Variants in PDE8B observed in about 807,000 individuals in gnomAD.
PDE8B encodes the protein high affinity cAMP-specific and IBMX-insensitive 3',5'-cyclic phosphodiesterase 8B.
A neutral mutation model predicts 101.3 loss-of-function variants in PDE8B; 26 were observed. The ratio of observed to expected loss-of-function variants is 0.26; its 90% CI spans 0.19 to 0.36. The LOEUF is 0.36. Among genes scored for constraint, PDE8B ranks in the 10% least tolerant of loss-of-function variants. The pLI is 1.00. For missense variants in PDE8B, 810 were observed against 1,163.1 expected (o/e 0.70, Z 4.42); for synonymous variants, 424 against 429.3 (o/e 0.99, Z 0.15).
At chr5:77,322,016 C>G (rs1451178111) in intron 2 of PDE8B, among the ~76,000 whole-genome samples, 2 of 152,164 alleles carry the variant, frequency 1.3e-5, no homozygotes, top group Admixed American at 6.5e-5. Flanking sequence ...GGGAGGAGAT[C>G]CCGGGCAAGA....
At chr5:77,180,050 A>T in the PDE8B span, among the ~76,000 whole-genome samples, 3 of 152,146 alleles carry the variant, frequency 2.0e-5, no homozygotes, top group Non-Finnish European at 1.5e-5. Context: ...CAAAGGCCCA[A>T]CGAGAGGAAA....
At chr5:77,295,450 C>T (rs1768307649) in intron 1 of PDE8B, among the ~76,000 whole-genome samples, 1 of 152,154 alleles carries the variant, frequency 6.6e-6, no homozygotes, top group South Asian at 2.1e-4. Flanking sequence ...CCAAAGACAG[C>T]TGTAAAAAGT....
intron 1 of PDE8B, among the ~76,000 whole-genome samples, chr5:77,220,185 G>C (rs546946629): frequency 6.6e-6 from 1 of 152,258 alleles, no homozygotes; most frequent in Admixed American, 6.5e-5. Context: ...GTCACATGTG[G>C]AGCCCAGGGT....
intron 1 of PDE8B, among the ~76,000 whole-genome samples, chr5:77,294,188 A>G (rs777901870): frequency 1.3e-5 from 2 of 152,216 alleles, no homozygotes; most frequent in African/African-American, 4.8e-5. Context: ...AGCATCTTTC[A>G]TAAAACTAAG....
At chr5:77,195,556 TG>T in the PDE8B span, among the ~76,000 whole-genome samples, 1 of 152,094 alleles carries the variant, frequency 6.6e-6, no homozygotes, top group African/African-American at 2.4e-5. Context: ...TTGAACACTG[TG>T]GGGGTAAGGG....
At chr5:77,407,011 G>A (rs1329964497) in intron 12 of PDE8B, among the ~76,000 whole-genome samples, 1 of 152,170 alleles carries the variant, frequency 6.6e-6, no homozygotes, top group African/African-American at 2.4e-5. Context: ...AGCAGCTTAG[G>A]ACTGAAAGTC....
intron 10 of PDE8B, among the ~76,000 whole-genome samples, chr5:77,378,781 A>C (rs1042293678): frequency 6.6e-6 from 1 of 152,202 alleles, no homozygotes; most frequent in Admixed American, 6.5e-5. Context: ...GGCCCCACCC[A>C]GACCTACTGA....
At chr5:77,175,834 T>G in the PDE8B span, among the ~76,000 whole-genome samples, 1 of 152,334 alleles carries the variant, frequency 6.6e-6, no homozygotes, top group East Asian at 1.9e-4. Context: ...TATATATGCA[T>G]GTATATAAAT....
chr5:77,407,270 G>A lies in PDE8B; in HGVS notation c.1289-111G>A, dbSNP rs1793657327. On this transcript the variant is annotated intron_variant, in intron 12 of 21. Coordinates refer to ENST00000264917, the MANE Select transcript of PDE8B (RefSeq NM_003719.5). ...TGGGTGAATTCATGGCTTTTTAGGT[G>A]GGAGGGTGGCCCTGTGAGAAGCGGG... is the stretch of plus-strand genomic sequence containing the variant. 3 of 812,216 alleles carry A rather than the reference G, an allele frequency of 3.7e-6. No individual in the cohort carries two copies. The Admixed American group carries it at 5.3e-5, about 14-fold the overall frequency. The allele number at this position is 812,216 out of a possible 1,614,324, so 50.3% of individuals were successfully genotyped here. A position where few individuals can be genotyped will look rare whatever the true frequency, so the allele number is the denominator to read the frequency against.
At chr5:77,255,480 G>T in intron 1 of PDE8B, among the ~76,000 whole-genome samples, 1 of 152,172 alleles carries the variant, frequency 6.6e-6, no homozygotes, top group East Asian at 1.9e-4. Flanking sequence ...TGTAAGTGAA[G>T]TCTGATGGGA....
At chr5:77,389,463 C>A (rs889470980) in intron 10 of PDE8B, among the ~76,000 whole-genome samples, 2 of 151,946 alleles carry the variant, frequency 1.3e-5, no homozygotes, top group Non-Finnish European at 2.9e-5. Flanking sequence ...ACAGAATTCA[C>A]CTGCCTTCTG....
the PDE8B span, among the ~76,000 whole-genome samples, chr5:77,149,451 G>C: frequency 6.6e-6 from 1 of 152,138 alleles, no homozygotes; most frequent in South Asian, 2.1e-4. Context: ...ATCTATTTGA[G>C]GGGGGAATTG....
At chr5:77,152,653 A>G in the PDE8B span, among the ~76,000 whole-genome samples, 1 of 152,202 alleles carries the variant, frequency 6.6e-6, no homozygotes, top group Non-Finnish European at 1.5e-5. Context: ...ATTTAGAGGA[A>G]TGCAAGTCTG....
At chr5:77,344,968 A>G in intron 7 of PDE8B, 37 bp downstream of exon 7, 3 of 1,378,346 alleles carry the variant, frequency 2.2e-6, no homozygotes, top group Non-Finnish European at 2.1e-6. Context: ...TAACATTCAA[A>G]ATGAACCTTT....
chr5:77,097,707 C>CTATATATATCTATCTATCTATATATA, the PDE8B span, among the ~76,000 whole-genome samples: 1 of 20,948 alleles, frequency 4.8e-5, no homozygotes, highest in Non-Finnish European at 1.1e-4. Context: ...ATATATATAT[C>CTATATATATCTATCTATCTATATATA]TATATATATA....
intron 12 of PDE8B, 83 bp from the exon 13 acceptor site, chr5:77,407,298 C>G: frequency 9.9e-7 from 1 of 1,011,742 alleles, no homozygotes; most frequent in Non-Finnish European, 1.6e-6. Flanking sequence ...GAAGCGGGCC[C>G]TGGTCCATGA....
intron 1 of PDE8B, among the ~76,000 whole-genome samples, chr5:77,252,447 T>C (rs184428336): frequency 2.7e-4 from 41 of 152,362 alleles, no homozygotes; most frequent in African/African-American, 9.4e-4. Context: ...TTGATAACTC[T>C]TTGAGGCCTT....
At chr5:77,423,803 ATT>A (rs1042802149) in intron 20 of PDE8B, among the ~76,000 whole-genome samples, 23 of 151,244 alleles carry the variant, frequency 1.5e-4, no homozygotes, top group African/African-American at 4.9e-4. Context: ...TGCCCGGCTA[ATT>A]TTTTGTATTT....
At chr5:77,168,943 C>T in the PDE8B span, among the ~76,000 whole-genome samples, 6 of 152,210 alleles carry the variant, frequency 3.9e-5, no homozygotes, top group Non-Finnish European at 7.3e-5. Context: ...GTTCAGAAGA[C>T]GTTTGTTATT....
Sources: allele counts gnomAD v4.1 joint callset (sites outside exome capture counted in the v4.1 genomes callset), GRCh38; gene constraint gnomAD v4.1.1; transcripts MANE v1.5; gene names NCBI Gene and HGNC (gene_info 2026-07-23, HGNC 2026-07-21).